CACNA2D3: variants seen among roughly 807,000 people sequenced by gnomAD.
The protein encoded by CACNA2D3 is voltage-dependent calcium channel subunit alpha-2/delta-3.
Under a neutral mutation model 160.6 loss-of-function variants are expected in CACNA2D3, and 60 were observed. That is an observed-to-expected ratio of 0.37 (90% CI 0.30 to 0.46). The LOEUF is 0.46. Among genes scored for constraint, CACNA2D3 ranks in the 20% least tolerant of loss-of-function variants. The pLI, the probability that CACNA2D3 is intolerant of heterozygous loss-of-function variation, is 1.00. For missense variants in CACNA2D3, 1,205 were observed against 1,365.0 expected (o/e 0.88, Z 1.85); for synonymous variants, 558 against 492.9 (o/e 1.13, Z -1.75).
rs554381820 is a variant in CACNA2D3 at position 54,971,383 on chromosome 3, C to G, written c.2556+1539C>G. Among the ~76,000 whole-genome samples the G allele has an allele frequency of 2.0e-5, 3 of 152,050 alleles. No homozygotes were observed. The South Asian group carries it at 6.2e-4, about 32-fold the overall frequency. On this transcript the variant is annotated intron_variant, in intron 29 of 37. Transcript: ENST00000474759. ...TAGTGATTAATCAGTGTCTCGAGGC[C>G]CTGTGTTAAGCTCTTCACTTGCACA...
intron 31 of CACNA2D3, among the ~76,000 whole-genome samples, chr3:54,992,405 G>C (rs943832411): frequency 6.6e-6 from 1 of 152,056 alleles, no homozygotes; most frequent in African/African-American, 2.4e-5. Flanking sequence ...CCTGAGTGTG[G>C]GCACTCAGCT....
rs1275342700 is a variant in CACNA2D3, at chr3:54,549,262, C to T, written c.545-13538C>T. ...GAGATCGAGACCATCCTGGCTAACA[C>T]GGTGAAACCCCGTCTCTACTAAAAA... On this transcript the variant is annotated intron_variant, in intron 5 of 37. Transcript: ENST00000474759. Among the ~76,000 whole-genome samples the T allele has an allele frequency of 4.6e-5, 7 of 152,164 alleles. No homozygotes were observed. In the South Asian group the frequency reaches 1.0e-3, roughly 23 times the overall value.
intron 31 of CACNA2D3, among the ~76,000 whole-genome samples, chr3:54,994,855 C>A (rs971289864): frequency 1.2e-4 from 19 of 152,194 alleles, no homozygotes; most frequent in African/African-American, 4.3e-4. Flanking sequence ...CTCCTGATAA[C>A]CATTCATGTC....
intron 11 of CACNA2D3, among the ~76,000 whole-genome samples, chr3:54,683,971 T>C (rs1700402278): frequency 2.2e-5 from 1 of 44,652 alleles, no homozygotes; most frequent in Middle Eastern, 0.015. Context: ...CCTTTTTTTT[T>C]TTTTTTTTTT....
intron 11 of CACNA2D3, among the ~76,000 whole-genome samples, chr3:54,654,682 G>T (rs1699843843): frequency 6.6e-6 from 1 of 152,182 alleles, no homozygotes; most frequent in African/African-American, 2.4e-5. Context: ...TGAGCTCACA[G>T]GAGGGTCCTG....
At chr3:54,567,322 T>C (rs902627650) in intron 6 of CACNA2D3, among the ~76,000 whole-genome samples, 6 of 152,232 alleles carry the variant, frequency 3.9e-5, no homozygotes, top group African/African-American at 1.4e-4. Context: ...GTTTAAACTT[T>C]AAATTATGGG....
At chr3:54,204,796 GAAAAAAAAAA>G (rs57129457) in intron 2 of CACNA2D3, among the ~76,000 whole-genome samples, 9 of 74,076 alleles carry the variant, frequency 1.2e-4, no homozygotes, top group African/African-American at 3.6e-4. Context: ...ATGCTGTCTT[GAAAAAAAAAA>G]AAAAAAAAAA....
intron 17 of CACNA2D3, among the ~76,000 whole-genome samples, chr3:54,856,924 G>A (rs908284075): frequency 6.6e-6 from 1 of 152,130 alleles, no homozygotes; most frequent in Non-Finnish European, 1.5e-5. Context: ...GGCATTACAG[G>A]CACCTGCCAC....
chr3:54,931,222 G>A (rs1468886236), intron 27 of CACNA2D3, among the ~76,000 whole-genome samples: 1 of 152,188 alleles, frequency 6.6e-6, no homozygotes, highest in African/African-American at 2.4e-5. Flanking sequence ...AAGCCCCAGA[G>A]CTAATGGGTT....
At chr3:54,879,970 TA>T (rs1699754565) in intron 20 of CACNA2D3, among the ~76,000 whole-genome samples, 1 of 152,246 alleles carries the variant, frequency 6.6e-6, no homozygotes, top group African/African-American at 2.4e-5. Context: ...CCACTACTAT[TA>T]ACTTAGTGTT....
At chr3:54,912,472 C>A (rs1037928097) in intron 27 of CACNA2D3, among the ~76,000 whole-genome samples, 1 of 152,120 alleles carries the variant, frequency 6.6e-6, no homozygotes, top group African/African-American at 2.4e-5. Context: ...CACAGCCACA[C>A]TACCTCCTTG....
At chr3:55,064,534 G>A (rs1704592878) in intron 35 of CACNA2D3, among the ~76,000 whole-genome samples, 1 of 152,162 alleles carries the variant, frequency 6.6e-6, no homozygotes, top group Admixed American at 6.5e-5. Context: ...CCTCCTCACA[G>A]CCCTCCTCTC....
chr3:54,874,351 A>G (rs761353531), intron 18 of CACNA2D3, among the ~76,000 whole-genome samples: 41 of 152,284 alleles, frequency 2.7e-4, no homozygotes, highest in Admixed American at 7.2e-4. Context: ...TGAGACATGC[A>G]TAGCCCAGTC....
intron 3 of CACNA2D3, among the ~76,000 whole-genome samples, chr3:54,376,935 C>G (rs986658222): frequency 6.6e-6 from 1 of 152,170 alleles, no homozygotes; most frequent in Non-Finnish European, 1.5e-5. Context: ...TTTTTCTCTG[C>G]ATCAAATTTA....
chr3:54,678,814 A>T (rs1178103209), intron 11 of CACNA2D3, among the ~76,000 whole-genome samples: 1 of 148,152 alleles, frequency 6.7e-6, no homozygotes, highest in Non-Finnish European at 1.5e-5. Flanking sequence ...CTTTTTTCTC[A>T]GGTTTAAAAA....
At chr3:54,400,074 C>A (rs9882791) in intron 4 of CACNA2D3, among the ~76,000 whole-genome samples, 1 of 137,530 alleles carries the variant, frequency 7.3e-6, no homozygotes, top group Middle Eastern at 3.3e-3. Context: ...CAGGTGCGTC[C>A]GTCACCCCTT....
chr3:54,739,751 A>ATGTGTGTGTGTGTGTGTGTG (rs5849058), intron 11 of CACNA2D3, among the ~76,000 whole-genome samples: 1 of 145,848 alleles, frequency 6.9e-6, no homozygotes, highest in African/African-American at 2.6e-5. Context: ...CTCCTCATAT[A>ATGTGTGTGTGTGTGTGTGTG]TGTGTGTGTG....
At chr3:54,761,477 G>T (rs1702080055) in intron 12 of CACNA2D3, among the ~76,000 whole-genome samples, 1 of 152,196 alleles carries the variant, frequency 6.6e-6, no homozygotes, top group African/African-American at 2.4e-5. Flanking sequence ...TTGGAGAGAT[G>T]ATAACTGTGT....
intron 11 of CACNA2D3, among the ~76,000 whole-genome samples, chr3:54,751,765 C>G: frequency 6.6e-6 from 1 of 152,218 alleles, no homozygotes; most frequent in Non-Finnish European, 1.5e-5. Flanking sequence ...TCACTGACCT[C>G]AGTCACAAAG....
Sources: allele counts gnomAD v4.1 joint callset (sites outside exome capture counted in the v4.1 genomes callset), GRCh38; gene constraint gnomAD v4.1.1; transcripts MANE v1.5; gene names NCBI Gene and HGNC (gene_info 2026-07-23, HGNC 2026-07-21).